PDE10A: variants seen among roughly 807,000 people sequenced by gnomAD.
PDE10A encodes the protein cAMP and cAMP-inhibited cGMP 3',5'-cyclic phosphodiesterase 10A.
Under a neutral mutation model 97.7 loss-of-function variants are expected in PDE10A, and 39 were observed. The observed-to-expected ratio is 0.40, with a 90% confidence interval of 0.31 to 0.52. The LOEUF is 0.52. Ranked by LOEUF, PDE10A falls within the 20% of genes least tolerant of loss-of-function variation. PDE10A has a pLI of 0.56. For missense variants in PDE10A, 731 were observed against 1,047.8 expected, an observed-to-expected ratio of 0.70 and a Z score of 4.17; for synonymous variants, 371 against 376.8, an observed-to-expected ratio of 0.98 and a Z score of 0.18.
chr6:165,702,449 T>C (rs569527256), intron 1 of PDE10A, among the ~76,000 whole-genome samples: 26 of 152,260 alleles, frequency 1.7e-4, no homozygotes, highest in African/African-American at 5.5e-4. Flanking sequence ...CCTCACAACC[T>C]GGAGAAGGAA....
At chr6:165,833,464 C>T (rs1196635197) in intron 1 of PDE10A, among the ~76,000 whole-genome samples, 1 of 152,224 alleles carries the variant, frequency 6.6e-6, no homozygotes, top group East Asian at 1.9e-4. Context: ...GACAATGGAC[C>T]CTTCCAGGGC....
chr6:165,470,125 G>C (rs1486946335), intron 3 of PDE10A, among the ~76,000 whole-genome samples: 6 of 152,162 alleles, frequency 3.9e-5, no homozygotes, highest in Admixed American at 3.9e-4. Flanking sequence ...CTGCTGGTGA[G>C]GGCTTCAGGC....
At chr6:165,892,816 T>C (rs1781841637) in intron 1 of PDE10A, among the ~76,000 whole-genome samples, 1 of 152,190 alleles carries the variant, frequency 6.6e-6, no homozygotes, top group African/African-American at 2.4e-5. Context: ...GTTAAAAGGG[T>C]CTTGGGCAAT....
intron 1 of PDE10A, among the ~76,000 whole-genome samples, chr6:165,610,027 C>G (rs1787413447): frequency 6.6e-6 from 1 of 152,120 alleles, no homozygotes; most frequent in Non-Finnish European, 1.5e-5. Flanking sequence ...TCATATGGAA[C>G]CAAAAAAGAG....
At chr6:165,519,371 C>T (rs1326014259) in intron 2 of PDE10A, among the ~76,000 whole-genome samples, 1 of 151,792 alleles carries the variant, frequency 6.6e-6, no homozygotes, top group African/African-American at 2.4e-5. Flanking sequence ...AAACCAATGG[C>T]ATCACTTTGT....
intron 1 of PDE10A, among the ~76,000 whole-genome samples, chr6:165,830,277 CA>C (rs1186052173): frequency 1.3e-5 from 2 of 152,238 alleles, no homozygotes; most frequent in African/African-American, 4.8e-5. Flanking sequence ...TGTCTCCAGA[CA>C]GTCGCTCAGC....
rs186348756 is a variant in PDE10A at position 165,410,612 on chromosome 6, T to G, written c.2076+2889A>C. Among the ~76,000 whole-genome samples, 55 of 152,108 alleles carry G rather than the reference T, an allele frequency of 3.6e-4. No individual in the cohort carries two copies. The East Asian group carries it at 0.011, about 30-fold the overall frequency. Reference sequence around the variant, plus strand: ...TCTTCTAAAGAAGTCAGTGAGAAAGTGGGGGTAAGTTCCTGTGGAGAAACC... The same window carrying G: ...TCTTCTAAAGAAGTCAGTGAGAAAGGGGGGGTAAGTTCCTGTGGAGAAACC... On this transcript the variant is annotated intron_variant, in intron 13 of 21. Coordinates refer to ENST00000539869, the MANE Select transcript of PDE10A (RefSeq NM_001385079.1).
intron 16 of PDE10A, among the ~76,000 whole-genome samples, chr6:165,390,537 A>C (rs1295017640): frequency 2.0e-5 from 3 of 151,542 alleles, no homozygotes; most frequent in Non-Finnish European, 4.4e-5. Context: ...GATCCAGAAA[A>C]GAGGGGTGAA....
chr6:165,806,033 CTTGA>C (rs1471090984), intron 1 of PDE10A, among the ~76,000 whole-genome samples: 11 of 98,100 alleles, frequency 1.1e-4, no homozygotes, highest in African/African-American at 4.2e-4. Context: ...TTTGTAGTTG[CTTGA>C]TTATTAAAAA....
intron 1 of PDE10A, among the ~76,000 whole-genome samples, chr6:165,842,641 C>G (rs1780293677): frequency 6.6e-6 from 1 of 152,222 alleles, no homozygotes; most frequent in African/African-American, 2.4e-5. Flanking sequence ...TGCAATACAT[C>G]AGCGTTTATT....
chr6:165,400,315 T>C (rs1786542861), intron 13 of PDE10A, among the ~76,000 whole-genome samples: 2 of 151,880 alleles, frequency 1.3e-5, no homozygotes, highest in South Asian at 4.1e-4. Context: ...TTAAACATCA[T>C]AATAAAAGGA....
chr6:165,436,622 TG>T (rs1376060096), intron 5 of PDE10A, among the ~76,000 whole-genome samples: 1 of 152,168 alleles, frequency 6.6e-6, no homozygotes, highest in African/African-American at 2.4e-5. Flanking sequence ...GTACGATGCA[TG>T]TGAAAAATTT....
intron 1 of PDE10A, among the ~76,000 whole-genome samples, chr6:165,798,069 C>T (rs531240046): frequency 7.9e-5 from 12 of 152,138 alleles, no homozygotes; most frequent in East Asian, 3.8e-4. Context: ...GGCTGCAGTG[C>T]GCTACTCTTT....
At chr6:165,956,986 G>A (rs1197127159) in intron 1 of PDE10A, among the ~76,000 whole-genome samples, 2 of 152,178 alleles carry the variant, frequency 1.3e-5, no homozygotes, top group Non-Finnish European at 2.9e-5. Flanking sequence ...AGCACAGGAG[G>A]TGGGCTAGGA....
rs77777299 is a variant in PDE10A at position 165,448,325 on chromosome 6, T to C, written c.1194+603A>G. On this transcript the variant is annotated intron_variant, in intron 5 of 21. Transcript: ENST00000539869. ...ATCTTGAAATACTTTTGAAAGTGCCTTTCTATGTTGCATTTTCCGGCGGGC... is the reference window on the plus strand; with the variant it reads ...ATCTTGAAATACTTTTGAAAGTGCCCTTCTATGTTGCATTTTCCGGCGGGC... 9.7e-3 allele frequency among the ~76,000 whole-genome samples: 1,479 copies of C among 152,300 alleles called. 27 individuals carry two copies. Among genetic ancestry groups the C allele is most frequent in the African/African-American group, 0.034 (1,421 of 41,552 alleles).
intron 5 of PDE10A, among the ~76,000 whole-genome samples, chr6:165,444,910 C>G (rs931570210): frequency 6.6e-6 from 1 of 151,080 alleles, no homozygotes; most frequent in East Asian, 1.9e-4. Context: ...TTTTTTTAAC[C>G]CTTAGTATTT....
chr6:165,609,074 T>C (rs1787367173), intron 1 of PDE10A, among the ~76,000 whole-genome samples: 1 of 152,210 alleles, frequency 6.6e-6, no homozygotes, highest in South Asian at 2.1e-4. Context: ...TTCACTCTGA[T>C]GGTAGTTTCT....
chr6:165,897,893 A>C (rs1781999592), intron 1 of PDE10A, among the ~76,000 whole-genome samples: 2 of 151,948 alleles, frequency 1.3e-5, no homozygotes, highest in African/African-American at 2.4e-5. Flanking sequence ...AAAACCTTGG[A>C]GTCTTCCTTA....
chr6:165,464,605 T>C (rs1278178415), intron 3 of PDE10A, among the ~76,000 whole-genome samples: 1 of 152,214 alleles, frequency 6.6e-6, no homozygotes, highest in Non-Finnish European at 1.5e-5. Context: ...ACATACATCC[T>C]ACCAAGAAAG....
Sources: allele counts gnomAD v4.1 joint callset (sites outside exome capture counted in the v4.1 genomes callset), GRCh38; gene constraint gnomAD v4.1.1; transcripts MANE v1.5; gene names NCBI Gene and HGNC (gene_info 2026-07-23, HGNC 2026-07-21).